Variants in CAVIN4 observed in about 807,000 individuals in gnomAD.
CAVIN4 encodes the protein caveolae-associated protein 4.
A neutral mutation model predicts 18.6 loss-of-function variants in CAVIN4; 10 were observed. That is an observed-to-expected ratio of 0.54 (90% CI 0.33 to 0.91). CAVIN4 has a LOEUF of 0.91. Ranked by LOEUF, CAVIN4 falls within the 40% of genes least tolerant of loss-of-function variation. The pLI is 0.02. For missense variants in CAVIN4, 459 were observed against 440.5 expected (o/e 1.04, Z -0.38); for synonymous variants, 173 against 164.8 (o/e 1.05, Z -0.38).
Position 100,586,630 on chromosome 9 carries a change from T to G in CAVIN4, c.*179T>G. 2.1e-6 allele frequency: 1 copy of G among 474,642 alleles called. No individual in the cohort carries two copies. Among genetic ancestry groups the G allele is most frequent in the Non-Finnish European group, 3.6e-6 (1 of 281,570 alleles). The allele number at this position is 474,642 out of a possible 1,614,324, so 29.4% of individuals were successfully genotyped here. A position where few individuals can be genotyped will look rare whatever the true frequency, so the allele number is the denominator to read the frequency against. On this transcript the variant is annotated 3_prime_UTR_variant, in exon 2 of 2. Coordinates refer to ENST00000307584, the MANE Select transcript of CAVIN4 (RefSeq NM_001018116.2). The stretch of plus-strand genomic sequence containing the variant: ...CACTCTTTCTCATGGCAGCTGTGGA[T>G]TTTTTAGTTCCTTTCTCTTGTCCAC...
At chr9:100,578,018 A>AC, upstream of CAVIN4, 1 of 837,248 alleles carries the variant, frequency 1.2e-6, no homozygotes, top group Middle Eastern at 2.6e-4. Flanking sequence ...TAAATACTTG[A>AC]CCGTTCTCTA....
At chr9:100,583,941 G>C (rs534794246) in intron 1 of CAVIN4, among the ~76,000 whole-genome samples, 1 of 152,226 alleles carries the variant, frequency 6.6e-6, no homozygotes, top group African/African-American at 2.4e-5. Context: ...CACTGCACCC[G>C]GCTTCCTGCA....
At chr9:100,585,643 A>AT (rs1839467491) in intron 1 of CAVIN4, 122 bp from the exon 2 acceptor site, 1 of 794,066 alleles carries the variant, frequency 1.3e-6, no homozygotes, top group Admixed American at 2.0e-5. Context: ...AAATGGTAAC[A>AT]TTTAAGGAGC....
chr9:100,578,562 A>G lies in CAVIN4; in HGVS notation c.408+11A>G, dbSNP rs906150204. ...GTGGTAATATTCCAGGTAAGCTTGC[A>G]CTTGTGTTCAGCTTGCTTGTTCTAA... On this transcript the variant is annotated intron_variant, in intron 1 of 1. Transcript: ENST00000307584. 3 of 1,612,530 alleles carry G rather than the reference A, an allele frequency of 1.9e-6. No individual in the cohort carries two copies. The highest frequency in any genetic ancestry group is 2.2e-5 in the East Asian group (1 of 44,876).
rs779392394 is a variant in CAVIN4 at position 100,585,985 on chromosome 9, C to CA, written c.630dup (p.Arg211ThrfsTer5). 2.5e-6 allele frequency: 4 copies of CA among 1,614,074 alleles called. No individual in the cohort carries two copies. The highest frequency in any genetic ancestry group is 1.7e-5 in the Admixed American group (1 of 60,008). ...TTTTCCAAAGAAAACATGCAGAAGA[C>CA]ACGGCAGAATCTTGACAAGAAAGTG... On this transcript the variant is annotated frameshift_variant, in exon 2 of 2. Transcript: ENST00000307584.
rs925977838 is a variant in CAVIN4, at chr9:100,585,820, A to G, written c.464A>G (p.Glu155Gly). The change falls in exon 2 of 2, where the codon GAG becomes GGG. Residue 155 changes from glutamate to glycine, a missense_variant. Coordinates refer to ENST00000307584, the MANE Select transcript of CAVIN4 (RefSeq NM_001018116.2). ...GTTGTTAAAGACAGAAACCTAACTG[A>G]GAACCAAGAAGAGGATGATGATGAT... ...LSVVKDRNLT[E>G]NQEEDDDDIF... 16 of 1,614,056 alleles carry G rather than the reference A, an allele frequency of 9.9e-6. No individual in the cohort carries two copies. The highest frequency in any genetic ancestry group is 1.4e-5 in the Non-Finnish European group (16 of 1,180,034).
chr9:100,580,065 C>T (rs1367741174), intron 1 of CAVIN4, among the ~76,000 whole-genome samples: 1 of 150,630 alleles, frequency 6.6e-6, no homozygotes, highest in Non-Finnish European at 1.5e-5. Flanking sequence ...CCCTGGAAGT[C>T]CTTCTATAGG....
chr9:100,584,014 C>T (rs974075300), intron 1 of CAVIN4, among the ~76,000 whole-genome samples: 3 of 152,174 alleles, frequency 2.0e-5, no homozygotes, highest in Non-Finnish European at 2.9e-5. Flanking sequence ...CATTGCATGA[C>T]CTGGACCACC....
At chr9:100,582,308 T>C (rs1363787994) in intron 1 of CAVIN4, among the ~76,000 whole-genome samples, 1 of 151,544 alleles carries the variant, frequency 6.6e-6, no homozygotes, top group Non-Finnish European at 1.5e-5. Flanking sequence ...CCTTATTCTT[T>C]TGACACATTT....
At position 100,586,699 on chromosome 9, in the gene CAVIN4, A is replaced by G; in HGVS notation, c.*248A>G. ...GGTTGGGCCAGTTACGTGTTTGGTA[A>G]GGGCAACTTTGCGGCCGTCATTTGC... is the stretch of plus-strand genomic sequence containing the variant. On this transcript the variant is annotated 3_prime_UTR_variant, in exon 2 of 2. Transcript: ENST00000307584. 1 of 325,592 alleles carries G rather than the reference A, an allele frequency of 3.1e-6. No individual in the cohort carries two copies. 20.2% of individuals were successfully genotyped at this position (325,592 alleles called of 1,614,324 possible). A position where few individuals can be genotyped will look rare whatever the true frequency, so the allele number is the denominator to read the frequency against.
At chr9:100,585,357 T>A (rs1163805066) in intron 1 of CAVIN4, among the ~76,000 whole-genome samples, 2 of 152,168 alleles carry the variant, frequency 1.3e-5, no homozygotes, top group East Asian at 3.9e-4. Context: ...GTGTTAGTGC[T>A]GAGAGGTACA....
chr9:100,579,090 A>G (rs1281032226), intron 1 of CAVIN4, among the ~76,000 whole-genome samples: 4 of 152,226 alleles, frequency 2.6e-5, no homozygotes, highest in East Asian at 3.8e-4. Flanking sequence ...CGATTTTCCA[A>G]TGAACAATGA....
chr9:100,580,630 C>T, intron 1 of CAVIN4, among the ~76,000 whole-genome samples: 1 of 152,212 alleles, frequency 6.6e-6, no homozygotes, highest in East Asian at 1.9e-4. Context: ...CTGTATTCAC[C>T]TGTTTAGTCC....
chr9:100,583,666 A>G (rs1035437326), intron 1 of CAVIN4, among the ~76,000 whole-genome samples: 3 of 150,744 alleles, frequency 2.0e-5, no homozygotes, highest in Admixed American at 2.0e-4. Context: ...CATTTTTTTT[A>G]GACAGAGTCT....
At chr9:100,583,616 T>TTC (rs1839448670) in intron 1 of CAVIN4, among the ~76,000 whole-genome samples, 22 of 141,976 alleles carry the variant, frequency 1.5e-4, no homozygotes, top group South Asian at 2.2e-4. Context: ...GCAAGCCATT[T>TTC]ATTCATTCAT....
At position 100,586,037 on chromosome 9, in the gene CAVIN4, C is replaced by T. The variant is rs761072559; in HGVS notation, c.681C>T (p.Thr227=). 1.2e-6 allele frequency: 2 copies of T among 1,613,962 alleles called. No homozygotes were observed. Among genetic ancestry groups the T allele is most frequent in the South Asian group, 1.1e-5 (1 of 91,060 alleles). Residue 227 remains threonine (T), a synonymous_variant, in exon 2 of 2, where the codon ACC becomes ACT. Coordinates refer to ENST00000307584, the MANE Select transcript of CAVIN4 (RefSeq NM_001018116.2). ...ACAGAATTAGAACTAGAATAGTGAC[C>T]CCGGAGAGGAGAGAGAGGCTAAGGC... ...KVNRIRTRIV[T]PERRERLRQS... is the part of the protein sequence containing the mutation.
chr9:100,577,083 A>C (rs1839365223), upstream of CAVIN4: 1 of 153,602 alleles, frequency 6.5e-6, no homozygotes, highest in Admixed American at 6.4e-5. Context: ...ATGAACTGTA[A>C]AGCTGTGTGT....
intron 1 of CAVIN4, among the ~76,000 whole-genome samples, chr9:100,585,308 A>C (rs1309171599): frequency 2.0e-5 from 3 of 152,176 alleles, no homozygotes; most frequent in Admixed American, 1.3e-4. Flanking sequence ...ATTTGGGATT[A>C]TGATTCAGGT....
At chr9:100,583,751 A>G (rs1839450589) in intron 1 of CAVIN4, among the ~76,000 whole-genome samples, 1 of 151,860 alleles carries the variant, frequency 6.6e-6, no homozygotes, top group Non-Finnish European at 1.5e-5. Flanking sequence ...GGTTCAAGTG[A>G]TTCTCTTGCC....
Sources: gnomAD v4.1 joint callset for allele counts (sites outside exome capture counted in the v4.1 genomes callset) on GRCh38, gnomAD v4.1.1 for gene constraint, MANE v1.5 for transcripts, NCBI Gene and HGNC (gene_info 2026-07-23, HGNC 2026-07-21) for gene names.